The following FOXP1 variants were observed in gnomAD, a reference collection of about 807,000 sequenced individuals.
FOXP1 encodes the protein forkhead box protein P1.
Under a neutral mutation model 98.2 loss-of-function variants are expected in FOXP1, and 15 were observed. The observed-to-expected ratio is 0.15, with a 90% CI of 0.10 to 0.24. The LOEUF (loss-of-function observed/expected upper bound fraction) is 0.24. Among genes scored for constraint, FOXP1 ranks in the 10% least tolerant of loss-of-function variants. FOXP1 has a pLI of 1.00. For missense variants in FOXP1, 633 were observed against 848.5 expected, an observed-to-expected ratio of 0.75 and a Z score of 3.15; for synonymous variants, 371 against 314.5, an observed-to-expected ratio of 1.18 and a Z score of -1.90.
intron 2 of FOXP1, among the ~76,000 whole-genome samples, chr3:71,498,148 G>A (rs548223743): frequency 1.1e-4 from 16 of 152,154 alleles, no homozygotes; most frequent in Non-Finnish European, 2.1e-4. Flanking sequence ...GAATGCCACC[G>A]GGGCCTGCCT....
chr3:71,198,120 G>A (rs578237642), intron 6 of FOXP1, 82 bp downstream of exon 6: 17 of 1,612,718 alleles, frequency 1.1e-5, no homozygotes, highest in South Asian at 2.2e-5. Flanking sequence ...AACACTGATC[G>A]CGAGATCGCG....
At chr3:71,371,312 A>T (rs1445826448) in intron 3 of FOXP1, among the ~76,000 whole-genome samples, 4 of 152,110 alleles carry the variant, frequency 2.6e-5, no homozygotes, top group Non-Finnish European at 5.9e-5. Flanking sequence ...AGTCTGTCTC[A>T]GGTGTGGCAT....
At chr3:71,306,037 T>C (rs1157502660) in intron 4 of FOXP1, 1 of 152,470 alleles carries the variant, frequency 6.6e-6, no homozygotes, top group Non-Finnish European at 1.5e-5. Flanking sequence ...ACTGAAGGTA[T>C]GTGGGCTAAA....
intron 6 of FOXP1, among the ~76,000 whole-genome samples, chr3:71,173,073 CG>C (rs1284657684): frequency 2.6e-5 from 4 of 152,142 alleles, no homozygotes; most frequent in African/African-American, 7.2e-5. Flanking sequence ...TCAGATTTTT[CG>C]CAAGAGCCCA....
chr3:71,499,127 G>A (rs904323087), intron 2 of FOXP1, among the ~76,000 whole-genome samples: 4 of 152,146 alleles, frequency 2.6e-5, no homozygotes, highest in African/African-American at 9.7e-5. Context: ...CAACCAATGG[G>A]AGCTCTCATC....
Position 71,369,740 on chromosome 3 carries a change from G to A in FOXP1, c.-167-10496C>T, listed in dbSNP as rs555615485. Among the ~76,000 whole-genome samples, 69 of 152,224 alleles carry A rather than the reference G, an allele frequency of 4.5e-4. No individual in the cohort carries two copies. In the South Asian group the frequency reaches 0.012, roughly 27 times the overall value. On this transcript the variant is annotated intron_variant, in intron 3 of 20. Coordinates refer to ENST00000649528, the MANE Select transcript of FOXP1 (RefSeq NM_001349338.3). ...TGTAACCCCCTTTTAGGAAGAACCCGCCACTATGTCTTCCAAGATCGACCA... is the reference window on the plus strand; with the variant it reads ...TGTAACCCCCTTTTAGGAAGAACCCACCACTATGTCTTCCAAGATCGACCA...
At chr3:71,077,894 G>A (rs832220) in intron 7 of FOXP1, among the ~76,000 whole-genome samples, 88,622 of 150,978 alleles carry the variant, frequency 0.59, 28,918 homozygotes, top group Middle Eastern at 0.74. Flanking sequence ...GTGCAATGGC[G>A]TGATCTCGGC....
chr3:71,284,113 A>C (rs553236575), intron 5 of FOXP1, among the ~76,000 whole-genome samples: 1 of 152,262 alleles, frequency 6.6e-6, no homozygotes, highest in Non-Finnish European at 1.5e-5. Context: ...AAATGTTGAA[A>C]CTCTTTGGCA....
intron 7 of FOXP1, among the ~76,000 whole-genome samples, chr3:71,094,739 C>G (rs2056289653): frequency 6.6e-6 from 1 of 152,194 alleles, no homozygotes; most frequent in Non-Finnish European, 1.5e-5. Context: ...CAGAGGCCAA[C>G]CAGGAGCCAC....
intron 6 of FOXP1, among the ~76,000 whole-genome samples, chr3:71,122,426 T>TG (rs143283940): frequency 3.9e-5 from 6 of 152,078 alleles, no homozygotes; most frequent in East Asian, 1.9e-4. Flanking sequence ...AATATTAGGA[T>TG]GGGGGGGAAT....
intron 3 of FOXP1, among the ~76,000 whole-genome samples, chr3:71,380,241 C>T (rs1431316670): frequency 6.6e-6 from 1 of 152,122 alleles, no homozygotes; most frequent in Non-Finnish European, 1.5e-5. Flanking sequence ...GGACAGAGGT[C>T]AGGGAGACTA....
intron 3 of FOXP1, among the ~76,000 whole-genome samples, chr3:71,396,425 A>G (rs1435367546): frequency 6.6e-6 from 1 of 152,180 alleles, no homozygotes; most frequent in Non-Finnish European, 1.5e-5. Flanking sequence ...AAATGAGGAA[A>G]CTGGGCTTGG....
At chr3:71,397,023 T>C (rs867849152) in intron 3 of FOXP1, among the ~76,000 whole-genome samples, 1,419 of 23,308 alleles carry the variant, frequency 0.061, 111 homozygotes, top group Non-Finnish European at 0.097. Flanking sequence ...TATATATATA[T>C]ACATATATAT....
At chr3:71,486,773 A>C (rs1217656998) in intron 3 of FOXP1, among the ~76,000 whole-genome samples, 2 of 152,220 alleles carry the variant, frequency 1.3e-5, no homozygotes, top group African/African-American at 4.8e-5. Context: ...GCTTCTGTGC[A>C]TTACTTGAAC....
At chr3:71,158,771 A>G (rs1485528407) in intron 6 of FOXP1, among the ~76,000 whole-genome samples, 1 of 149,770 alleles carries the variant, frequency 6.7e-6, no homozygotes, top group East Asian at 2.0e-4. Context: ...ACAAATCCTG[A>G]TATGTTACGT....
intron 5 of FOXP1, among the ~76,000 whole-genome samples, chr3:71,284,673 G>A (rs2071921421): frequency 6.6e-6 from 1 of 151,944 alleles, no homozygotes; most frequent in African/African-American, 2.4e-5. Context: ...AAATTTTATT[G>A]TATCCGAAAG....
At chr3:71,536,583 T>C (rs2044313347) in intron 2 of FOXP1, among the ~76,000 whole-genome samples, 1 of 151,848 alleles carries the variant, frequency 6.6e-6, no homozygotes, top group Non-Finnish European at 1.5e-5. Context: ...CTTTTTTTTT[T>C]TTTTTTTTGG....
chr3:71,131,075 A>C, intron 6 of FOXP1: 2 of 298,174 alleles, frequency 6.7e-6, no homozygotes, highest in Non-Finnish European at 9.9e-6. Flanking sequence ...GAAGAAGAAA[A>C]TTCAGATTTT....
chr3:70,989,439 T>C (rs1166118812), intron 13 of FOXP1, among the ~76,000 whole-genome samples: 1 of 152,192 alleles, frequency 6.6e-6, no homozygotes, highest in Non-Finnish European at 1.5e-5. Flanking sequence ...AGCCACTTGA[T>C]GGTATTCCTC....
Sources: gnomAD v4.1 joint callset for allele counts (sites outside exome capture counted in the v4.1 genomes callset) on GRCh38, gnomAD v4.1.1 for gene constraint, MANE v1.5 for transcripts, NCBI Gene and HGNC (gene_info 2026-07-23, HGNC 2026-07-21) for gene names.